PEX14: variants seen among roughly 807,000 people sequenced by gnomAD.
The protein encoded by PEX14 is peroxisomal membrane protein PEX14.
In PEX14, 15 loss-of-function variants were observed where a neutral mutation model predicts 49.5. The ratio of observed to expected loss-of-function variants is 0.30; its 90% confidence interval spans 0.20 to 0.47. PEX14 has a LOEUF of 0.47. PEX14 is among the 20% of genes least tolerant of loss of function. The probability of loss-of-function intolerance (pLI) is 1.00; values close to 1 mark genes in which losing one functional copy is unlikely to be tolerated. For missense variants in PEX14, 398 were observed against 494.8 expected (o/e 0.80, Z 1.86); for synonymous variants, 210 against 212.7 (o/e 0.99, Z 0.11).
intron 3 of PEX14, among the ~76,000 whole-genome samples, chr1:10,563,205 G>A (rs991257961): frequency 1.3e-5 from 2 of 148,950 alleles, no homozygotes; most frequent in South Asian, 4.4e-4. Flanking sequence ...CGTGAGCCAC[G>A]GCGCCTGGCC....
At chr1:10,506,588 T>C (rs755518504) in intron 2 of PEX14, among the ~76,000 whole-genome samples, 19 of 152,250 alleles carry the variant, frequency 1.2e-4, no homozygotes, top group Non-Finnish European at 2.2e-4. Flanking sequence ...TAATGTGTTC[T>C]ATAAAAAGAA....
At chr1:10,586,628 C>CCT (rs1640496621) in intron 3 of PEX14, among the ~76,000 whole-genome samples, 1 of 93,012 alleles carries the variant, frequency 1.1e-5, no homozygotes, top group South Asian at 4.5e-4. Flanking sequence ...AGCCGTTTAC[C>CCT]TTTTTTTTTT....
intron 3 of PEX14, among the ~76,000 whole-genome samples, chr1:10,598,684 C>T (rs1440996340): frequency 6.6e-6 from 1 of 152,138 alleles, no homozygotes; most frequent in Non-Finnish European, 1.5e-5. Flanking sequence ...GTTTTATTTT[C>T]TTCTTTACAT....
intron 5 of PEX14, among the ~76,000 whole-genome samples, chr1:10,621,960 C>T (rs1356726910): frequency 6.6e-6 from 1 of 152,138 alleles, no homozygotes; most frequent in Non-Finnish European, 1.5e-5. Context: ...CCGGGCAGCT[C>T]CTGCCAGGCT....
intron 4 of PEX14, among the ~76,000 whole-genome samples, chr1:10,610,400 T>C (rs12024254): frequency 0.013 from 1,772 of 136,338 alleles, 21 homozygotes; most frequent in East Asian, 0.082. Context: ...CACACACACA[T>C]ATATATATAC....
chr1:10,568,330 C>A (rs879649223), intron 3 of PEX14, among the ~76,000 whole-genome samples: 5 of 140,124 alleles, frequency 3.6e-5, no homozygotes, highest in East Asian at 2.2e-4. Flanking sequence ...TCTTCCCCCC[C>A]CCCCCCCCAC....
intron 1 of PEX14, 121 bp downstream of exon 1, chr1:10,475,123 G>A: frequency 1.1e-6 from 1 of 924,662 alleles, no homozygotes; most frequent in Non-Finnish European, 1.7e-6. Context: ...CCGACCTCTT[G>A]CCCCCTCCTG....
At chr1:10,534,803 G>C (rs562280430) in intron 2 of PEX14, among the ~76,000 whole-genome samples, 1 of 152,122 alleles carries the variant, frequency 6.6e-6, no homozygotes, top group Admixed American at 6.5e-5. Context: ...TCATCCTTTA[G>C]GGGAATGTCT....
chr1:10,535,898 C>A, intron 2 of PEX14: 1 of 385,950 alleles, frequency 2.6e-6, no homozygotes, highest in Non-Finnish European at 5.0e-6. Flanking sequence ...CATGGGTGCG[C>A]ATGGCCACAC....
chr1:10,526,136 G>T (rs2124463860), intron 2 of PEX14, among the ~76,000 whole-genome samples: 1 of 150,774 alleles, frequency 6.6e-6, no homozygotes, highest in East Asian at 2.0e-4. Flanking sequence ...TAGCCAGGAT[G>T]GTCTCGATCT....
chr1:10,559,727 C>T (rs1265652147), intron 3 of PEX14, among the ~76,000 whole-genome samples: 4 of 152,198 alleles, frequency 2.6e-5, no homozygotes, highest in African/African-American at 2.4e-5. Flanking sequence ...ATTATTTATT[C>T]TACAGAACTA....
At chr1:10,617,797 C>T (rs924727488) in intron 4 of PEX14, among the ~76,000 whole-genome samples, 2 of 152,140 alleles carry the variant, frequency 1.3e-5, no homozygotes, top group East Asian at 1.9e-4. Flanking sequence ...TGGCTCCAAG[C>T]GAGAGCAGGG....
At chr1:10,614,432 C>A (rs1035562050) in intron 4 of PEX14, among the ~76,000 whole-genome samples, 2 of 151,706 alleles carry the variant, frequency 1.3e-5, no homozygotes, top group African/African-American at 4.9e-5. Flanking sequence ...GCTGCAGGGA[C>A]CACAGGTGTT....
At chr1:10,526,239 T>TGAGA (rs376780261) in intron 2 of PEX14, among the ~76,000 whole-genome samples, 5 of 150,408 alleles carry the variant, frequency 3.3e-5, no homozygotes, top group African/African-American at 1.2e-4. Context: ...TTTTTTTTTT[T>TGAGA]GAGACAGAGT....
At chr1:10,620,613 C>A (rs1379029449) in intron 5 of PEX14, among the ~76,000 whole-genome samples, 2 of 152,098 alleles carry the variant, frequency 1.3e-5, no homozygotes, top group South Asian at 4.1e-4. Context: ...CAAGGTGAAA[C>A]CCTGTCTCTA....
intron 1 of PEX14, among the ~76,000 whole-genome samples, chr1:10,486,360 G>A (rs977272196): frequency 3.9e-4 from 49 of 124,134 alleles, no homozygotes; most frequent in Non-Finnish European, 1.0e-4. Context: ...AGTTTGCTGA[G>A]TTTTTTTTTT....
At chr1:10,621,072 G>A (rs1297011962) in intron 5 of PEX14, among the ~76,000 whole-genome samples, 2 of 151,988 alleles carry the variant, frequency 1.3e-5, no homozygotes, top group South Asian at 2.1e-4. Context: ...GCTGCCACTT[G>A]TAGTTTCTAC....
chr1:10,571,285 T>C (rs988472088), intron 3 of PEX14, among the ~76,000 whole-genome samples: 14 of 151,728 alleles, frequency 9.2e-5, no homozygotes, highest in African/African-American at 3.4e-4. Flanking sequence ...GGTGGAAATG[T>C]GTGTTACTTT....
In PEX14 at chr1:10,630,008, G is replaced by A; in HGVS notation, c.*21G>A. ...ACTAGGGCTGCGCCTGCTGCCTCCA[G>A]CCCTGAGGATGGCATCTAGTGTGCC... On this transcript the variant is annotated 3_prime_UTR_variant, in exon 9 of 9. Transcript: ENST00000356607. This position sits in a 1 kb window ranked among gnomAD's most constrained non-coding sequence, Gnocchi z 4.1. 1 of 1,606,090 alleles carries A rather than the reference G, an allele frequency of 6.2e-7. No individual in the cohort carries two copies. The highest frequency in any genetic ancestry group is 8.5e-7 in the Non-Finnish European group (1 of 1,179,408).
Sources: allele counts gnomAD v4.1 joint callset (sites outside exome capture counted in the v4.1 genomes callset), GRCh38; gene constraint gnomAD v4.1.1; non-coding constraint Gnocchi (gnomAD v3.1); transcripts MANE v1.5; gene names NCBI Gene and HGNC (gene_info 2026-07-23, HGNC 2026-07-21).